The following NEK5 variants were observed in gnomAD, a reference collection of about 807,000 sequenced individuals.
NEK5 encodes the protein NIMA related kinase 5.
Under a neutral mutation model 109.2 loss-of-function variants are expected in NEK5, and 88 were observed. The observed-to-expected ratio is 0.81, with a 90% CI of 0.68 to 0.96. The LOEUF is 0.96. Ranked by LOEUF, NEK5 falls within the 40% of genes least tolerant of loss-of-function variation. The pLI, the probability that NEK5 is intolerant of heterozygous loss-of-function variation, is 0.00. For missense variants in NEK5, 834 were observed against 920.7 expected, an observed-to-expected ratio of 0.91 and a Z score of 1.22; for synonymous variants, 283 against 299.9, an observed-to-expected ratio of 0.94 and a Z score of 0.58.
chr13:52,108,447 T>G, intron 7 of NEK5, 43 bp from the exon 8 acceptor site: 1 of 1,285,048 alleles, frequency 7.8e-7, no homozygotes, highest in Non-Finnish European at 1.1e-6. Flanking sequence ...GATTTTTTAT[T>G]GGAGTAAGAA....
At chr13:52,108,232 G>T in intron 8 of NEK5, 86 bp downstream of exon 8, 4 of 780,558 alleles carry the variant, frequency 5.1e-6, no homozygotes, top group Non-Finnish European at 6.5e-6. Context: ...AGAAAGAAGA[G>T]ATTTGAATTT....
At chr13:52,048,376 A>G (rs185086823) in intron 23 of NEK5, among the ~76,000 whole-genome samples, 10 of 152,300 alleles carry the variant, frequency 6.6e-5, no homozygotes, top group Middle Eastern at 3.4e-3. Flanking sequence ...GTTCGAGACC[A>G]GCCTGAACAA....
intron 3 of NEK5, among the ~76,000 whole-genome samples, chr13:52,121,667 T>C (rs78586711): frequency 0.021 from 3,246 of 152,298 alleles, 84 homozygotes; most frequent in Admixed American, 0.084. Context: ...CGAAAGCCCA[T>C]AGGTGGTAAC....
intron 22 of NEK5, among the ~76,000 whole-genome samples, chr13:52,055,009 G>A (rs1316208219): frequency 6.6e-6 from 1 of 152,206 alleles, no homozygotes; most frequent in African/African-American, 2.4e-5. Context: ...CCGAGCTATG[G>A]GAGGACATTC....
At chr13:52,068,695 G>A (rs950132345) in intron 20 of NEK5, among the ~76,000 whole-genome samples, 5 of 152,204 alleles carry the variant, frequency 3.3e-5, no homozygotes, top group Non-Finnish European at 7.3e-5. Context: ...TTGGCCAGGC[G>A]TGGTGGCTCA....
intron 20 of NEK5, among the ~76,000 whole-genome samples, chr13:52,068,844 G>A (rs148644157): frequency 0.011 from 1,740 of 151,928 alleles, 21 homozygotes; most frequent in South Asian, 0.017. Flanking sequence ...GTGGTGGCGC[G>A]CACCTATGCC....
At chr13:52,086,779 G>A (rs1955152176) in intron 15 of NEK5, among the ~76,000 whole-genome samples, 1 of 151,748 alleles carries the variant, frequency 6.6e-6, no homozygotes, top group Non-Finnish European at 1.5e-5. Context: ...TGGGCCCTTA[G>A]TTCAATATGA....
At chr13:52,116,434 G>A (rs544452448) in intron 4 of NEK5, among the ~76,000 whole-genome samples, 3 of 152,232 alleles carry the variant, frequency 2.0e-5, no homozygotes, top group Admixed American at 6.5e-5. Context: ...AGGCCATGGC[G>A]AGAGGATCAC....
intron 23 of NEK5, among the ~76,000 whole-genome samples, chr13:52,041,825 A>C (rs528212149): frequency 6.6e-6 from 1 of 151,848 alleles, no homozygotes; most frequent in Admixed American, 6.6e-5. Flanking sequence ...GAGATAATTG[A>C]GAAGATAAAA....
intron 17 of NEK5, among the ~76,000 whole-genome samples, chr13:52,080,801 C>A (rs576644508): frequency 6.3e-4 from 95 of 151,608 alleles, no homozygotes; most frequent in African/African-American, 2.0e-3. Flanking sequence ...GACCTTTGTT[C>A]ACTTGTTTGT....
chr13:52,063,206 G>A (rs577335605), intron 21 of NEK5, among the ~76,000 whole-genome samples: 20 of 152,212 alleles, frequency 1.3e-4, no homozygotes, highest in African/African-American at 1.9e-4. Context: ...CCGAGTGCCC[G>A]TGATTACAGA....
chr13:52,052,875 T>C (rs894277781), intron 22 of NEK5, among the ~76,000 whole-genome samples: 13 of 152,052 alleles, frequency 8.5e-5, no homozygotes, highest in African/African-American at 2.2e-4. Context: ...CAGCAAACAA[T>C]AGTGTTTAGA....
intron 14 of NEK5, 41 bp downstream of exon 14, chr13:52,089,206 G>T: frequency 8.0e-7 from 1 of 1,251,822 alleles, no homozygotes; most frequent in Non-Finnish European, 1.2e-6. Context: ...AAAACTATTA[G>T]GAAATTCCTA....
At chr13:52,080,988 T>TAA (rs35236001) in intron 17 of NEK5, among the ~76,000 whole-genome samples, 30 of 146,074 alleles carry the variant, frequency 2.1e-4, no homozygotes, top group East Asian at 8.0e-4. Flanking sequence ...ATATGTCATT[T>TAA]AAAAAAAAAA....
At chr13:52,128,060 G>A (rs550240233) in intron 1 of NEK5, among the ~76,000 whole-genome samples, 19 of 152,240 alleles carry the variant, frequency 1.2e-4, no homozygotes, top group Non-Finnish European at 2.2e-4. Flanking sequence ...GCACAATAAA[G>A]GATTACCCCG....
chr13:52,112,504 C>A, intron 4 of NEK5, 139 bp from the exon 5 acceptor site: 2 of 551,850 alleles, frequency 3.6e-6, no homozygotes, highest in South Asian at 3.1e-5. Flanking sequence ...CTGGGCAAGT[C>A]ACTTTAACTT....
At chr13:52,091,644 T>C (rs1179042478) in intron 13 of NEK5, among the ~76,000 whole-genome samples, 2 of 152,196 alleles carry the variant, frequency 1.3e-5, no homozygotes, top group Non-Finnish European at 2.9e-5. Context: ...TAACAAATTC[T>C]TAACCCTGAA....
intron 23 of NEK5, among the ~76,000 whole-genome samples, chr13:52,042,633 T>C (rs1954423787): frequency 6.6e-6 from 1 of 151,894 alleles, no homozygotes; most frequent in Non-Finnish European, 1.5e-5. Flanking sequence ...AAATTATACT[T>C]CTATATTAAA....
chr13:52,124,417 A>G (rs747912824), intron 3 of NEK5, among the ~76,000 whole-genome samples: 5 of 141,524 alleles, frequency 3.5e-5, no homozygotes, highest in Non-Finnish European at 6.5e-5. Context: ...CAAAGATTAT[A>G]TTATTTTACA....
Sources: allele counts gnomAD v4.1 joint callset (sites outside exome capture counted in the v4.1 genomes callset), GRCh38; gene constraint gnomAD v4.1.1; transcripts MANE v1.5; gene names NCBI Gene and HGNC (gene_info 2026-07-23, HGNC 2026-07-21).